SUGP2: variants seen among roughly 807,000 people sequenced by gnomAD.
SUGP2 encodes SURP and G-patch domain-containing protein 2.
A neutral mutation model predicts 90.5 loss-of-function variants in SUGP2; 24 were observed. The ratio of observed to expected loss-of-function variants is 0.27; its 90% CI spans 0.19 to 0.37. The LOEUF (loss-of-function observed/expected upper bound fraction) is 0.37. Ranked by LOEUF, SUGP2 falls within the 10% of genes least tolerant of loss-of-function variation. The probability of loss-of-function intolerance (pLI) is 1.00; values close to 1 mark genes in which losing one functional copy is unlikely to be tolerated. For synonymous variants in SUGP2, 473 were observed against 513.4 expected (o/e 0.92, Z 1.06); for missense variants, 1,233 against 1,363.3 (o/e 0.90, Z 1.51).
At position 19,018,497 on chromosome 19, in the gene SUGP2, C is replaced by G. The variant is rs548158406; in HGVS notation, c.1850+612G>C. 5.0e-4 allele frequency among the ~76,000 whole-genome samples: 76 copies of G among 151,886 alleles called. 1 individual carries two copies. Among genetic ancestry groups the G allele is most frequent in the African/African-American group, 1.8e-3 (75 of 41,400 alleles). ...GGTCAGGAGATCGAGACCATCCTGGCTAACACTATGAAACCCCATCTCTAC... is the reference window on the plus strand; with the variant it reads ...GGTCAGGAGATCGAGACCATCCTGGGTAACACTATGAAACCCCATCTCTAC... On this transcript the variant is annotated intron_variant, in intron 4 of 10. Transcript: ENST00000452918.
At chr19:19,027,261 T>C (rs1371534743) in intron 2 of SUGP2, among the ~76,000 whole-genome samples, 2 of 152,184 alleles carry the variant, frequency 1.3e-5, no homozygotes, top group Non-Finnish European at 2.9e-5. Flanking sequence ...AATGCCTTTC[T>C]TTCTAGCTTT....
Position 19,025,968 on chromosome 19 carries a change from T to G in SUGP2, c.380A>C (p.Lys127Thr). ...DSRDQVIGHR[K>T]LGHFRSQDWK... ...GTCCTGAGAACGGAAATGCCCCAAT[T>G]TCCGGTGGCCAATGACCTGGTCCCG... The change falls in exon 3 of 11, where the codon AAA (lysine) becomes ACA (threonine). Residue 127 changes from lysine (K) to threonine (T), a missense_variant. Physicochemically the swap from Lys to Thr is moderately conservative, Grantham distance 78. Transcript: ENST00000452918. 6.2e-7 allele frequency: 1 copy of G among 1,614,078 alleles called. No homozygotes were observed. Among genetic ancestry groups the G allele is most frequent in the Non-Finnish European group, 8.5e-7 (1 of 1,180,012 alleles).
chr19:19,014,904 A>C (rs1168809383), intron 4 of SUGP2, among the ~76,000 whole-genome samples: 1 of 152,166 alleles, frequency 6.6e-6, no homozygotes, highest in East Asian at 1.9e-4. Flanking sequence ...TAGGCTTATT[A>C]AGAGATACAG....
At chr19:19,018,317 G>C (rs1345546593) in intron 4 of SUGP2, among the ~76,000 whole-genome samples, 3 of 152,056 alleles carry the variant, frequency 2.0e-5, no homozygotes, top group Middle Eastern at 3.2e-3. Context: ...GGGTGACAGA[G>C]CAAGACTCTT....
chr19:19,024,519 C>T, intron 3 of SUGP2, 100 bp downstream of exon 3: 1 of 1,374,918 alleles, frequency 7.3e-7, no homozygotes, highest in Non-Finnish European at 9.8e-7. Flanking sequence ...GATATGTTTC[C>T]AATTGGCTAA....
Position 19,024,655 on chromosome 19 carries a change from C to G in SUGP2, c.1693G>C (p.Glu565Gln). The G allele has an allele frequency of 6.2e-7, 1 of 1,614,124 alleles. No homozygotes were observed. The change falls in exon 3 of 11, where the codon GAA (glutamate) becomes CAA (glutamine). Residue 565 changes from glutamate (E) to glutamine (Q), a missense_variant. Physicochemically the swap from Glu to Gln is conservative, Grantham distance 29 (BLOSUM62 2). This residue lies in a region of SUGP2 where 540 missense variants were observed against 542.6 expected (regional missense o/e 1.00). Transcript: ENST00000452918. ...EEKMIPPTKP[E>Q]IQAKAPSSLS... is the part of the protein sequence containing the mutation. ...CTACTTGGAGCCTTGGCCTGAATTT[C>G]AGGTTTCGTAGGAGGAATCATTTTC...
At position 19,009,948 on chromosome 19, in the gene SUGP2, G is replaced by T; in HGVS notation, c.2245C>A (p.Pro749Thr). The change falls in exon 5 of 11, where the codon CCC (proline) becomes ACC (threonine). Residue 749 changes from proline to threonine, a missense_variant. By Grantham distance (38) the Pro-to-Thr change is conservative. Transcript: ENST00000452918. Reference sequence around the variant, plus strand: ...GATGGGCCTGAGGCTTCTAAGCTGGGGTCCTGAGGAGAAGGTCCAACTGGG... The same window carrying T: ...GATGGGCCTGAGGCTTCTAAGCTGGTGTCCTGAGGAGAAGGTCCAACTGGG... ...PDPVGPSPQD[P>T]SLEASGPSPK... 1 of 1,614,166 alleles carries T rather than the reference G, an allele frequency of 6.2e-7. No individual in the cohort carries two copies. The highest frequency in any genetic ancestry group is 1.3e-5 in the African/African-American group (1 of 75,032).
chr19:19,008,371 C>A lies in SUGP2; in HGVS notation c.2396G>T (p.Gly799Val). 1.2e-6 allele frequency: 2 copies of A among 1,614,154 alleles called. No individual in the cohort carries two copies. Among genetic ancestry groups the A allele is most frequent in the Admixed American group, 3.3e-5 (2 of 60,020 alleles). The change falls in exon 6 of 11, where the codon GGA (glycine) becomes GTA (valine). Residue 799 changes from glycine to valine, a missense_variant. By Grantham distance (109) the Gly-to-Val change is moderately radical (BLOSUM62 -3). Transcript: ENST00000452918. The stretch of plus-strand genomic sequence containing the variant: ...TATGCTGAATTGTTCGATCTCTGGT[C>A]CCACCTGAGCAACAAATCTAGCCAG... ...EKLARFVAQV[G>V]PEIEQFSIEN...
chr19:19,026,416 G>C (rs2058935218), intron 2 of SUGP2, among the ~76,000 whole-genome samples, 190 bp from the exon 3 acceptor site: 1 of 152,106 alleles, frequency 6.6e-6, no homozygotes, highest in Non-Finnish European at 1.5e-5. Flanking sequence ...TAAAAATCTG[G>C]ATCGACTACT....
chr19:19,001,539 G>A (rs2145336272), intron 8 of SUGP2, 74 bp downstream of exon 8: 9 of 1,430,144 alleles, frequency 6.3e-6, no homozygotes, highest in Non-Finnish European at 8.9e-6. Flanking sequence ...ATCACAAGCT[G>A]CAGCATCCTT....
At chr19:19,026,580 C>T (rs537715359) in intron 2 of SUGP2, among the ~76,000 whole-genome samples, 1 of 152,352 alleles carries the variant, frequency 6.6e-6, no homozygotes, top group African/African-American at 2.4e-5. Context: ...CTCTAGCCAT[C>T]TGGGTTGACA....
chr19:19,014,735 C>A (rs1022274611), intron 4 of SUGP2, among the ~76,000 whole-genome samples: 1 of 150,680 alleles, frequency 6.6e-6, no homozygotes, highest in African/African-American at 2.4e-5. Flanking sequence ...CAGGTTGAGG[C>A]TGCAGTGAAC....
chr19:18,992,952 G>C lies in SUGP2; in HGVS notation c.*789C>G, dbSNP rs984349685. On this transcript the variant is annotated 3_prime_UTR_variant, in exon 11 of 11. Coordinates refer to ENST00000452918, the MANE Select transcript of SUGP2 (RefSeq NM_001017392.5). ...GGAGGAGCCTGCCTCTCCTTACAAAGGCTGTAATAAGACAGCACTTGACGA... is the reference window on the plus strand; with the variant it reads ...GGAGGAGCCTGCCTCTCCTTACAAACGCTGTAATAAGACAGCACTTGACGA... 6.6e-6 allele frequency: 1 copy of C among 152,264 alleles called. No homozygotes were observed. Among genetic ancestry groups the C allele is most frequent in the Admixed American group, 6.5e-5 (1 of 15,274 alleles). The allele number at this position is 152,264 out of a possible 1,614,324, so 9.4% of individuals were successfully genotyped here.
intron 4 of SUGP2, 27 bp downstream of exon 4, chr19:19,019,082 T>A: frequency 1.2e-6 from 2 of 1,606,136 alleles, no homozygotes; most frequent in Non-Finnish European, 1.7e-6. Context: ...TGAGAGGGAT[T>A]CACAGCGTGG....
intron 4 of SUGP2, among the ~76,000 whole-genome samples, chr19:19,012,007 G>T (rs1037264660): frequency 6.6e-6 from 1 of 152,208 alleles, no homozygotes; most frequent in African/African-American, 2.4e-5. Context: ...TGAGGTTCCA[G>T]ATTACCAGTG....
At chr19:19,011,764 A>C (rs1313720723) in intron 4 of SUGP2, among the ~76,000 whole-genome samples, 1 of 152,120 alleles carries the variant, frequency 6.6e-6, no homozygotes, top group East Asian at 1.9e-4. Flanking sequence ...TGGGAGGCGG[A>C]AGCAGGTGGG....
intron 9 of SUGP2, 145 bp from the exon 10 acceptor site, chr19:18,994,631 A>T (rs1225020518): frequency 2.6e-6 from 3 of 1,173,230 alleles, no homozygotes; most frequent in Non-Finnish European, 3.6e-6. Flanking sequence ...TCAAGACGCG[A>T]CTCACAGTAG....
chr19:19,015,204 A>AAAT (rs2058454884), intron 4 of SUGP2, among the ~76,000 whole-genome samples: 2 of 146,522 alleles, frequency 1.4e-5, no homozygotes, highest in African/African-American at 5.1e-5. Flanking sequence ...TCTGTCTCAA[A>AAAT]AAATAAATAA....
upstream of SUGP2, chr19:19,033,605 G>C (rs10422238): frequency 2.6e-5 from 31 of 1,179,440 alleles, no homozygotes; most frequent in African/African-American, 5.0e-4. Flanking sequence ...GGGCCGCCGC[G>C]GCCCGGCTCT....
Sources: gnomAD v4.1 joint callset for allele counts (sites outside exome capture counted in the v4.1 genomes callset) on GRCh38, gnomAD v4.1.1 for gene constraint, gnomAD v4.1.1 regional missense constraint, MANE v1.5 for transcripts, NCBI Gene and HGNC (gene_info 2026-07-23, HGNC 2026-07-21) for gene names.